Variants in PRKG1 observed in about 807,000 individuals in gnomAD.
PRKG1 encodes the protein protein kinase cGMP-dependent 1, also known as cGMP-dependent protein kinase 1.
Under a neutral mutation model 88.1 loss-of-function variants are expected in PRKG1, and 35 were observed. The observed-to-expected ratio is 0.40, with a 90% confidence interval of 0.30 to 0.53. The LOEUF (loss-of-function observed/expected upper bound fraction) is 0.53, where lower values mean the gene tolerates loss of function less well. Ranked by LOEUF, PRKG1 falls within the 20% of genes least tolerant of loss-of-function variation. The pLI is 0.59. For synonymous variants in PRKG1, 303 were observed against 292.5 expected (o/e 1.04, Z -0.37); for missense variants, 540 against 839.8 (o/e 0.64, Z 4.41).
intron 5 of PRKG1, among the ~76,000 whole-genome samples, chr10:52,018,454 G>A (rs1409796025): frequency 2.0e-5 from 3 of 152,048 alleles, no homozygotes; most frequent in South Asian, 2.1e-4. Context: ...CCACATAGAT[G>A]TTGTAGATTA....
intron 2 of PRKG1, among the ~76,000 whole-genome samples, chr10:51,285,364 AC>A (rs1190434927): frequency 1.3e-5 from 2 of 152,056 alleles, no homozygotes; most frequent in Non-Finnish European, 2.9e-5. Context: ...TAGGTTCACA[AC>A]TTTTTTCTGT....
intron 3 of PRKG1, among the ~76,000 whole-genome samples, chr10:51,519,502 GA>G (rs938404863): frequency 6.6e-6 from 1 of 151,882 alleles, no homozygotes; most frequent in African/African-American, 2.4e-5. Context: ...CATGAGGGGG[GA>G]AATCTGGGCC....
chr10:52,170,197 GAAGAAAGAAGGACACT>G (rs955204750), intron 9 of PRKG1, among the ~76,000 whole-genome samples: 20 of 152,244 alleles, frequency 1.3e-4, no homozygotes, highest in Non-Finnish European at 2.6e-4. Context: ...TGAGGACAAA[GAAGAAAGAAGGACACT>G]AAGAAAGAAG....
intron 1 of PRKG1, among the ~76,000 whole-genome samples, chr10:51,150,916 A>G (rs1589196325): frequency 6.6e-6 from 1 of 152,134 alleles, no homozygotes; most frequent in African/African-American, 2.4e-5. Context: ...AGCGACTTCA[A>G]TCATGTTTGG....
At chr10:51,363,773 TAGTC>T (rs1378456455) in intron 2 of PRKG1, among the ~76,000 whole-genome samples, 1 of 151,968 alleles carries the variant, frequency 6.6e-6, no homozygotes, top group Non-Finnish European at 1.5e-5. Flanking sequence ...TGGTACCCAT[TAGTC>T]AGTCCATGTG....
At chr10:51,096,489 G>A (rs1309263319) in intron 1 of PRKG1, among the ~76,000 whole-genome samples, 1 of 152,026 alleles carries the variant, frequency 6.6e-6, no homozygotes, top group Non-Finnish European at 1.5e-5. Context: ...TTCGAGTTTT[G>A]ACAGTACTTG....
At chr10:51,913,172 G>A (rs775221289) in intron 5 of PRKG1, among the ~76,000 whole-genome samples, 2 of 152,056 alleles carry the variant, frequency 1.3e-5, no homozygotes, top group African/African-American at 2.4e-5. Flanking sequence ...CAGGTGATCC[G>A]CCCGCCTTGG....
At chr10:51,700,109 T>C (rs766269145) in intron 3 of PRKG1, among the ~76,000 whole-genome samples, 50 of 152,258 alleles carry the variant, frequency 3.3e-4, no homozygotes, top group Non-Finnish European at 5.9e-4. Flanking sequence ...CATTTGAGAT[T>C]TGCCCCTTAA....
intron 7 of PRKG1, among the ~76,000 whole-genome samples, chr10:52,121,145 A>T (rs1564477901): frequency 6.6e-6 from 1 of 152,148 alleles, no homozygotes; most frequent in Non-Finnish European, 1.5e-5. Context: ...ATGAAGAAAC[A>T]GAGGTGTCCT....
chr10:52,276,496 T>C (rs1180622812), intron 12 of PRKG1, among the ~76,000 whole-genome samples: 1 of 152,146 alleles, frequency 6.6e-6, no homozygotes, highest in African/African-American at 2.4e-5. Context: ...TGACTAAACA[T>C]TGTGATTAAA....
chr10:51,937,093 CT>C (rs2133018970), intron 5 of PRKG1, among the ~76,000 whole-genome samples: 1 of 152,080 alleles, frequency 6.6e-6, no homozygotes, highest in Non-Finnish European at 1.5e-5. Flanking sequence ...TTGGAAAACA[CT>C]TTAAGAAAAT....
chr10:51,613,987 G>A (rs188358982), intron 3 of PRKG1, among the ~76,000 whole-genome samples: 10 of 152,042 alleles, frequency 6.6e-5, no homozygotes, highest in African/African-American at 2.2e-4. Context: ...AAAATGTTCT[G>A]TAGTTGTCTG....
intron 5 of PRKG1, among the ~76,000 whole-genome samples, chr10:52,052,412 A>G (rs888507235): frequency 7.4e-5 from 11 of 148,252 alleles, no homozygotes; most frequent in African/African-American, 2.7e-4. Flanking sequence ...ACCTCTCTCT[A>G]CAAAAAAAAT....
intron 2 of PRKG1, among the ~76,000 whole-genome samples, chr10:51,207,449 G>C (rs112002060): frequency 0.02 from 3,063 of 152,218 alleles, 47 homozygotes; most frequent in Middle Eastern, 0.051. Flanking sequence ...TGTCTCTCAA[G>C]ACATGCTTCA....
intron 9 of PRKG1, among the ~76,000 whole-genome samples, chr10:52,200,937 T>C (rs982535513): frequency 2.0e-5 from 3 of 152,202 alleles, no homozygotes; most frequent in Non-Finnish European, 4.4e-5. Context: ...AAATTCCTTA[T>C]AGATTCTAGA....
At chr10:51,333,121 A>G (rs1471433441) in intron 2 of PRKG1, among the ~76,000 whole-genome samples, 2 of 152,322 alleles carry the variant, frequency 1.3e-5, no homozygotes, top group Non-Finnish European at 1.5e-5. Flanking sequence ...TCTCAAAGCC[A>G]TCTCTTAAAG....
At position 50,993,846 on chromosome 10, in the gene PRKG1, T is replaced by C. The variant is rs369283591; in HGVS notation, c.266+2202T>C. On this transcript the variant is annotated intron_variant, in intron 1 of 17. Coordinates refer to the PRKG1 transcript ENST00000401604. Reference sequence around the variant, plus strand: ...TTTGTTGTTGTTGTTGTTGTTTGTATGTACTGGGAGGAAATGGCTAATCTT... The same window carrying C: ...TTTGTTGTTGTTGTTGTTGTTTGTACGTACTGGGAGGAAATGGCTAATCTT... Among the ~76,000 whole-genome samples, 85 of 152,334 alleles carry C rather than the reference T, an allele frequency of 5.6e-4. 2 individuals carry two copies. The South Asian group carries it at 0.016, about 29-fold the overall frequency.
At chr10:51,099,954 G>A (rs1174280497) in intron 1 of PRKG1, among the ~76,000 whole-genome samples, 1 of 152,092 alleles carries the variant, frequency 6.6e-6, no homozygotes, top group Non-Finnish European at 1.5e-5. Flanking sequence ...GGCGTGCAGT[G>A]GCACAATCAT....
intron 9 of PRKG1, among the ~76,000 whole-genome samples, chr10:52,184,218 T>G (rs1839124742): frequency 6.6e-6 from 1 of 152,222 alleles, no homozygotes; most frequent in Admixed American, 6.5e-5. Flanking sequence ...ATTAATAAAA[T>G]TAACTTTGTA....
Sources: allele counts gnomAD v4.1 joint callset (sites outside exome capture counted in the v4.1 genomes callset), GRCh38; gene constraint gnomAD v4.1.1; transcripts MANE v1.5; gene names NCBI Gene and HGNC (gene_info 2026-07-23, HGNC 2026-07-21).